The following SUGCT variants were observed in gnomAD, a reference collection of about 807,000 sequenced individuals.
The protein encoded by SUGCT is succinyl-CoA:glutarate CoA-transferase.
In SUGCT, 41 loss-of-function variants were observed where a neutral mutation model predicts 55.0. The observed-to-expected ratio is 0.74, with a 90% confidence interval of 0.58 to 0.97. SUGCT has a LOEUF of 0.97. SUGCT is among the 50% of genes least tolerant of loss of function. The pLI is 0.00. For missense variants in SUGCT, 568 were observed against 547.8 expected (o/e 1.04, Z -0.37); for synonymous variants, 187 against 200.4 (o/e 0.93, Z 0.56).
chr7:40,399,947 G>T (rs894501603), intron 9 of SUGCT, among the ~76,000 whole-genome samples: 1 of 152,088 alleles, frequency 6.6e-6, no homozygotes, highest in East Asian at 1.9e-4. Context: ...TACTTGGGAG[G>T]CTGAGGCATG....
the SUGCT span, among the ~76,000 whole-genome samples, chr7:40,914,697 A>G: frequency 6.6e-6 from 1 of 152,210 alleles, no homozygotes; most frequent in Non-Finnish European, 1.5e-5. Flanking sequence ...TAGTGTAGCC[A>G]TATCTTACAC....
chr7:40,270,826 A>C (rs780334312), intron 7 of SUGCT, among the ~76,000 whole-genome samples: 1 of 152,168 alleles, frequency 6.6e-6, no homozygotes, highest in Admixed American at 6.5e-5. Flanking sequence ...CTTCTGCTCC[A>C]TGACTGTGAG....
At chr7:40,399,604 T>C (rs1386182618) in intron 9 of SUGCT, among the ~76,000 whole-genome samples, 1 of 152,196 alleles carries the variant, frequency 6.6e-6, no homozygotes, top group Non-Finnish European at 1.5e-5. Flanking sequence ...AATTTAGGAA[T>C]TGTTTCTCCT....
At chr7:40,791,515 G>T (rs1790308669) in intron 13 of SUGCT, among the ~76,000 whole-genome samples, 1 of 152,130 alleles carries the variant, frequency 6.6e-6, no homozygotes, top group South Asian at 2.1e-4. Context: ...GCCTACCTAG[G>T]TAGGTCAACT....
intron 9 of SUGCT, among the ~76,000 whole-genome samples, chr7:40,437,578 C>T (rs1454326328): frequency 6.6e-6 from 1 of 152,178 alleles, no homozygotes; most frequent in African/African-American, 2.4e-5. Flanking sequence ...ATAGATGACA[C>T]TGTTCTTAAT....
At chr7:40,245,450 T>TTATTTTTTTA (rs1554295555) in intron 7 of SUGCT, among the ~76,000 whole-genome samples, 1 of 82,790 alleles carries the variant, frequency 1.2e-5, no homozygotes, top group East Asian at 3.9e-4. Flanking sequence ...TTTTTTTTTT[T>TTATTTTTTTA]TTTTTTTGAG....
intron 12 of SUGCT, among the ~76,000 whole-genome samples, chr7:40,736,500 T>C (rs934336353): frequency 6.6e-6 from 1 of 151,686 alleles, no homozygotes; most frequent in Non-Finnish European, 1.5e-5. Flanking sequence ...AAAAATTAAA[T>C]ACATTAAATA....
At chr7:40,597,124 C>G (rs1798049863) in intron 12 of SUGCT, among the ~76,000 whole-genome samples, 1 of 152,156 alleles carries the variant, frequency 6.6e-6, no homozygotes, top group Non-Finnish European at 1.5e-5. Flanking sequence ...GAACTTATAT[C>G]TTTTTGTTAT....
the SUGCT span, among the ~76,000 whole-genome samples, chr7:40,899,033 C>T: frequency 6.6e-6 from 1 of 152,238 alleles, no homozygotes; most frequent in South Asian, 2.1e-4. Flanking sequence ...GTTATTCCTT[C>T]TTCCCCAACT....
chr7:40,642,875 C>T (rs185344502), intron 12 of SUGCT, among the ~76,000 whole-genome samples: 124 of 152,168 alleles, frequency 8.1e-4, no homozygotes, highest in Non-Finnish European at 1.4e-3. Context: ...GCAATATGGT[C>T]GAATTAGCAG....
chr7:40,527,220 A>T (rs1793847095), intron 12 of SUGCT, among the ~76,000 whole-genome samples: 1 of 152,212 alleles, frequency 6.6e-6, no homozygotes, highest in African/African-American at 2.4e-5. Flanking sequence ...TTCTTTTTCA[A>T]ATCAAAGGCA....
chr7:40,675,923 G>A (rs1783955570), intron 12 of SUGCT, among the ~76,000 whole-genome samples: 1 of 152,190 alleles, frequency 6.6e-6, no homozygotes, highest in South Asian at 2.1e-4. Context: ...AGACAAGAAA[G>A]ATGTCTGTGG....
At chr7:40,714,942 A>AG (rs1245451052) in intron 12 of SUGCT, among the ~76,000 whole-genome samples, 1 of 152,212 alleles carries the variant, frequency 6.6e-6, no homozygotes, top group Admixed American at 6.5e-5. Context: ...GTTTAAATGT[A>AG]GAAATATGTA....
chr7:40,642,354 G>A (rs956820834), intron 12 of SUGCT, among the ~76,000 whole-genome samples: 6 of 152,202 alleles, frequency 3.9e-5, no homozygotes, highest in African/African-American at 1.4e-4. Flanking sequence ...TCTGTATTCT[G>A]TAAAGTGTTT....
At chr7:40,995,854 T>A in the SUGCT span, among the ~76,000 whole-genome samples, 1 of 152,150 alleles carries the variant, frequency 6.6e-6, no homozygotes, top group African/African-American at 2.4e-5. Flanking sequence ...ATTTGTGAAA[T>A]TCATTTCTCA....
chr7:40,316,586 C>T (rs1795443417), intron 8 of SUGCT, among the ~76,000 whole-genome samples, 174 bp from the exon 9 acceptor site: 1 of 152,046 alleles, frequency 6.6e-6, no homozygotes, highest in Non-Finnish European at 1.5e-5. Context: ...AGTGTAATGC[C>T]GTTCTTCATT....
chr7:40,295,784 G>A (rs955061204), intron 8 of SUGCT, among the ~76,000 whole-genome samples: 33 of 152,174 alleles, frequency 2.2e-4, no homozygotes, highest in African/African-American at 6.8e-4. Flanking sequence ...TGCCTATTTA[G>A]GTGCATAGAT....
At chr7:40,652,403 G>GA (rs1285292728) in intron 12 of SUGCT, among the ~76,000 whole-genome samples, 1 of 152,090 alleles carries the variant, frequency 6.6e-6, no homozygotes, top group Non-Finnish European at 1.5e-5. Context: ...TTGAATACAT[G>GA]AAAAAATACA....
chr7:40,873,365 G>T, the SUGCT span, among the ~76,000 whole-genome samples: 1 of 152,162 alleles, frequency 6.6e-6, no homozygotes, highest in African/African-American at 2.4e-5. Flanking sequence ...TGACTCTATA[G>T]ACCTCAGCAA....
Sources: gnomAD v4.1 joint callset for allele counts (sites outside exome capture counted in the v4.1 genomes callset) on GRCh38, gnomAD v4.1.1 for gene constraint, MANE v1.5 for transcripts, NCBI Gene and HGNC (gene_info 2026-07-23, HGNC 2026-07-21) for gene names.